Variants in ZNF618 observed in about 807,000 individuals in gnomAD.
ZNF618 encodes the protein zinc finger protein 618.
A neutral mutation model predicts 103.0 loss-of-function variants in ZNF618; 34 were observed. That is an observed-to-expected ratio of 0.33 (90% CI 0.25 to 0.44). ZNF618 has a LOEUF of 0.44. Ranked by LOEUF, ZNF618 falls within the 20% of genes least tolerant of loss-of-function variation. ZNF618 has a pLI of 1.00. For synonymous variants in ZNF618, 551 were observed against 542.2 expected (o/e 1.02, Z -0.23); for missense variants, 1,059 against 1,295.4 (o/e 0.82, Z 2.80).
At chr9:113,989,688 G>A (rs1450684522) in intron 3 of ZNF618, among the ~76,000 whole-genome samples, 1 of 152,226 alleles carries the variant, frequency 6.6e-6, no homozygotes, top group East Asian at 1.9e-4. Context: ...TCTTCCTGGC[G>A]CACATCCTGT....
chr9:113,912,377 C>T (rs925826665), intron 1 of ZNF618, among the ~76,000 whole-genome samples: 2 of 152,114 alleles, frequency 1.3e-5, no homozygotes, highest in Admixed American at 6.5e-5. Flanking sequence ...AGGCAGCAGA[C>T]GTGTGCTTAG....
At position 114,049,422 on chromosome 9, in the gene ZNF618, G is replaced by A. The variant is rs1442583250; in HGVS notation, c.2120G>A (p.Arg707His). Residue 707 changes from arginine to histidine, a missense_variant, in exon 15 of 15, where the codon CGC (arginine) becomes CAC (histidine). Coordinates refer to ENST00000374126, the MANE Select transcript of ZNF618 (RefSeq NM_001318042.2). ...VTDSLLLVHE[R>H]YEQICEFYSR... ...GACTCACTGTTGCTGGTGCATGAGC[G>A]CTATGAGCAGATCTGCGAGTTCTAC... is the stretch of plus-strand genomic sequence containing the variant. 12 of 1,603,164 alleles carry A rather than the reference G, an allele frequency of 7.5e-6. No homozygotes were observed. The highest frequency in any genetic ancestry group is 5.4e-5 in the African/African-American group (4 of 74,670).
intron 5 of ZNF618, 75 bp from the exon 6 acceptor site, chr9:114,002,547 TTC>T (rs1304832708): frequency 6.7e-7 from 1 of 1,501,162 alleles, no homozygotes; most frequent in Non-Finnish European, 9.1e-7. Context: ...GGCTTCCATG[TTC>T]TCTTTTGCAC....
intron 1 of ZNF618, among the ~76,000 whole-genome samples, chr9:113,957,053 G>T (rs1454089519): frequency 6.6e-6 from 1 of 152,234 alleles, no homozygotes; most frequent in African/African-American, 2.4e-5. Context: ...TATGTAAGTG[G>T]TGGAGCCAGG....
At chr9:113,881,465 T>C (rs77592344) in intron 1 of ZNF618, among the ~76,000 whole-genome samples, 3,805 of 152,310 alleles carry the variant, frequency 0.025, 179 homozygotes, top group African/African-American at 0.087. Context: ...AGTATATCCA[T>C]AATACTATCC....
At chr9:113,983,249 A>G (rs923850225) in intron 2 of ZNF618, among the ~76,000 whole-genome samples, 1 of 152,250 alleles carries the variant, frequency 6.6e-6, no homozygotes, top group Non-Finnish European at 1.5e-5. Flanking sequence ...AAAAAATTTT[A>G]AAGAAGTTAG....
chr9:113,971,234 A>G (rs1286066819), intron 2 of ZNF618, among the ~76,000 whole-genome samples: 1 of 151,940 alleles, frequency 6.6e-6, no homozygotes, highest in Non-Finnish European at 1.5e-5. Flanking sequence ...AAGGGGCATT[A>G]AGTTTGTCTA....
intron 9 of ZNF618, among the ~76,000 whole-genome samples, chr9:114,012,655 TAA>T (rs1842356300): frequency 2.0e-5 from 3 of 152,058 alleles, no homozygotes; most frequent in African/African-American, 7.2e-5. Context: ...GCAGAAAACG[TAA>T]GAACAGAATT....
intron 1 of ZNF618, among the ~76,000 whole-genome samples, chr9:113,906,807 A>G (rs1588001118): frequency 6.8e-6 from 1 of 147,830 alleles, no homozygotes; most frequent in Non-Finnish European, 1.5e-5. Flanking sequence ...TGCTTAATCC[A>G]AAAGGGGACG....
intron 1 of ZNF618, among the ~76,000 whole-genome samples, chr9:113,935,131 C>T (rs1340788574): frequency 6.6e-6 from 1 of 152,146 alleles, no homozygotes; most frequent in East Asian, 1.9e-4. Flanking sequence ...ATGGGGCTGC[C>T]GACGAGGGTC....
rs369157825 is a variant in ZNF618, at chr9:113,945,223, T to TCTC, written c.34-23893_34-23891dup. Among the ~76,000 whole-genome samples the TCTC allele has an allele frequency of 6.7e-3, 1,015 of 152,246 alleles. 10 individuals are homozygous for TCTC. The highest frequency in any genetic ancestry group is 0.023 in the African/African-American group (949 of 41,528). On this transcript the variant is annotated intron_variant, in intron 1 of 14. Coordinates refer to ENST00000374126, the MANE Select transcript of ZNF618 (RefSeq NM_001318042.2). ...GTGTGGATTATGCCCCCTTCCCTCA[T>TCTC]CTCTCTTTGCTTGGTTTAAGCCAAA...
chr9:113,969,684 G>T, intron 2 of ZNF618, among the ~76,000 whole-genome samples: 1 of 152,206 alleles, frequency 6.6e-6, no homozygotes, highest in East Asian at 1.9e-4. Context: ...GAACTGGACT[G>T]TTTTTACCAA....
intron 3 of ZNF618, among the ~76,000 whole-genome samples, chr9:113,994,517 G>C (rs1840374541): frequency 6.6e-6 from 1 of 152,264 alleles, no homozygotes; most frequent in Non-Finnish European, 1.5e-5. Context: ...TGGGCTGTAA[G>C]TCAAGAGCCC....
chr9:113,959,616 A>T (rs1836652747), intron 1 of ZNF618, among the ~76,000 whole-genome samples: 1 of 151,650 alleles, frequency 6.6e-6, no homozygotes, highest in South Asian at 2.1e-4. Context: ...TTTTATTTTT[A>T]TTTATTTTGA....
chr9:113,976,626 G>A (rs1170640869), intron 2 of ZNF618, among the ~76,000 whole-genome samples: 1 of 152,158 alleles, frequency 6.6e-6, no homozygotes, highest in East Asian at 1.9e-4. Context: ...AGTGGACTTG[G>A]CTGCAGTGTG....
In ZNF618 at chr9:114,050,026, C is replaced by T. The variant is rs1306867549; in HGVS notation, c.2724C>T (p.Phe908=). ...ACACAAAACTCGCCAAGCTCGCCTTCTGGCTCCTGGCGGTTCCGGCCGTGG... is the reference window on the plus strand; with the variant it reads ...ACACAAAACTCGCCAAGCTCGCCTTTTGGCTCCTGGCGGTTCCGGCCGTGG... ...QKHTKLAKLA[F]WLLAVPAVGA... Residue 908 remains phenylalanine, a synonymous_variant, in exon 15 of 15, where the codon TTC becomes TTT. Coordinates refer to ENST00000374126, the MANE Select transcript of ZNF618 (RefSeq NM_001318042.2). 2 of 1,613,842 alleles carry T rather than the reference C, an allele frequency of 1.2e-6. No individual in the cohort carries two copies. Among genetic ancestry groups the T allele is most frequent in the African/African-American group, 1.3e-5 (1 of 74,946 alleles).
At chr9:113,957,985 AC>A (rs1836474151) in intron 1 of ZNF618, among the ~76,000 whole-genome samples, 1 of 151,958 alleles carries the variant, frequency 6.6e-6, no homozygotes, top group Non-Finnish European at 1.5e-5. Context: ...AAAATCATAA[AC>A]CTGGAGAGAG....
rs546184738 is a variant in ZNF618 at position 113,890,201 on chromosome 9, A to C, written c.33+13788A>C. 3.3e-5 allele frequency among the ~76,000 whole-genome samples: 5 copies of C among 152,318 alleles called. No homozygotes were observed. The South Asian group carries it at 1.0e-3, about 32-fold the overall frequency. ...AATAGTTTTTCTTCCCTGACTATAAAAATAACATGTTCATTACAAAAACAT... is the reference window on the plus strand; with the variant it reads ...AATAGTTTTTCTTCCCTGACTATAACAATAACATGTTCATTACAAAAACAT... On this transcript the variant is annotated intron_variant, in intron 1 of 14. Transcript: ENST00000374126.
chr9:113,941,466 C>A (rs190379386), intron 1 of ZNF618, among the ~76,000 whole-genome samples: 1 of 152,172 alleles, frequency 6.6e-6, no homozygotes, highest in East Asian at 1.9e-4. Context: ...GATTTATTTT[C>A]CTTAATGTTT....
Sources: gnomAD v4.1 joint callset for allele counts (sites outside exome capture counted in the v4.1 genomes callset) on GRCh38, gnomAD v4.1.1 for gene constraint, MANE v1.5 for transcripts, NCBI Gene and HGNC (gene_info 2026-07-23, HGNC 2026-07-21) for gene names.